The following PRKAR1A variants were observed in gnomAD, a reference collection of about 807,000 sequenced individuals.
PRKAR1A encodes protein kinase cAMP-dependent type I regulatory subunit alpha, also known as cAMP-dependent protein kinase type I-alpha regulatory subunit.
In PRKAR1A, 3 loss-of-function variants were observed where a neutral mutation model predicts 52.0. The ratio of observed to expected loss-of-function variants is 0.06; its 90% confidence interval spans 0.03 to 0.15. The LOEUF (loss-of-function observed/expected upper bound fraction) is 0.15. Among genes scored for constraint, PRKAR1A ranks in the 10% least tolerant of loss-of-function variants. The pLI, the probability that PRKAR1A is intolerant of heterozygous loss-of-function variation, is 1.00. For synonymous variants in PRKAR1A, 188 were observed against 168.4 expected (o/e 1.12, Z -0.90); for missense variants, 240 against 477.4 (o/e 0.50, Z 4.63).
At chr17:68,414,691 A>G in the PRKAR1A span, among the ~76,000 whole-genome samples, 1 of 152,120 alleles carries the variant, frequency 6.6e-6, no homozygotes, top group Non-Finnish European at 1.5e-5. Flanking sequence ...TAATTTAAAA[A>G]TTACCATTTT....
At chr17:68,437,947 TTAAAAAAAA>T in the PRKAR1A span, among the ~76,000 whole-genome samples, 2 of 58,786 alleles carry the variant, frequency 3.4e-5, no homozygotes, top group Non-Finnish European at 6.3e-5. Flanking sequence ...GACATCTCTC[TTAAAAAAAA>T]AAAAAAAAAA....
chr17:68,516,074 A>G (rs760326622), intron 2 of PRKAR1A, among the ~76,000 whole-genome samples: 9 of 152,188 alleles, frequency 5.9e-5, no homozygotes, highest in Non-Finnish European at 1.0e-4. Context: ...AGTATAGAGT[A>G]TATCTGATAA....
At chr17:68,422,231 G>C in the PRKAR1A span, 4 of 171,412 alleles carry the variant, frequency 2.3e-5, no homozygotes, top group Non-Finnish European at 3.8e-5. Flanking sequence ...TTTGAGACCA[G>C]CCTGGCCAAC....
intron 11 of PRKAR1A, chr17:68,540,742 TACTC>T: frequency 7.3e-7 from 1 of 1,367,032 alleles, no homozygotes; most frequent in Middle Eastern, 2.1e-4. Flanking sequence ...GGTGCAGAGT[TACTC>T]AGTCCTCATG....
the PRKAR1A span, among the ~76,000 whole-genome samples, chr17:68,455,558 T>C: frequency 2.0e-5 from 3 of 152,196 alleles, no homozygotes; most frequent in Non-Finnish European, 4.4e-5. Flanking sequence ...TGACTTATTT[T>C]AAAATCCAAT....
At chr17:68,541,982 C>CA in intron 11 of PRKAR1A, 3 of 1,612,610 alleles carry the variant, frequency 1.9e-6, no homozygotes, top group Non-Finnish European at 2.5e-6. Flanking sequence ...GGGACCAACT[C>CA]ACTCCTCTTT....
At chr17:68,539,510 G>A in intron 11 of PRKAR1A, 5 of 914,954 alleles carry the variant, frequency 5.5e-6, no homozygotes, top group East Asian at 4.9e-5. Context: ...AAATGCCAGG[G>A]ATCATGGCAG....
At chr17:68,534,437 A>T (rs958804453), downstream of PRKAR1A, among the ~76,000 whole-genome samples, 1 of 152,188 alleles carries the variant, frequency 6.6e-6, no homozygotes, top group African/African-American at 2.4e-5. Context: ...GCTTTTGCAG[A>T]CATGAGCTGG....
the PRKAR1A span, among the ~76,000 whole-genome samples, chr17:68,458,135 CAG>C: frequency 6.6e-6 from 1 of 152,224 alleles, no homozygotes; most frequent in African/African-American, 2.4e-5. Flanking sequence ...CTGCCTCAGC[CAG>C]AGAGATAGCA....
the PRKAR1A span, chr17:68,457,358 AAG>A: frequency 6.5e-7 from 1 of 1,544,526 alleles, no homozygotes; most frequent in African/African-American, 1.4e-5. Context: ...TCCTGGTTGA[AAG>A]AGAAGCAGCT....
chr17:68,524,970 C>G lies in PRKAR1A; in HGVS notation c.549+12C>G. ...AAGGAGAGACGGATGTAAGATTTAC[C>G]AATATCAAAAATATGTTGATCTTAA... On this transcript the variant is annotated intron_variant, in intron 6 of 10. Transcript: ENST00000589228. The G allele has an allele frequency of 6.3e-7, 1 of 1,593,828 alleles. No homozygotes were observed. The highest frequency in any genetic ancestry group is 8.6e-7 in the Non-Finnish European group (1 of 1,162,100).
At chr17:68,508,674 A>C (rs2085226560), upstream of PRKAR1A, among the ~76,000 whole-genome samples, 1 of 152,202 alleles carries the variant, frequency 6.6e-6, no homozygotes, top group Non-Finnish European at 1.5e-5. Flanking sequence ...TCTAAAATAA[A>C]AGTTGAATGA....
the PRKAR1A span, among the ~76,000 whole-genome samples, chr17:68,504,767 T>A: frequency 6.6e-6 from 1 of 152,112 alleles, no homozygotes; most frequent in East Asian, 1.9e-4. Context: ...GAATAAGACA[T>A]AGTATTTGAT....
chr17:68,496,916 TG>T, the PRKAR1A span, among the ~76,000 whole-genome samples: 1 of 142,548 alleles, frequency 7.0e-6, no homozygotes, highest in Non-Finnish European at 1.5e-5. Context: ...CTTGACCTCC[TG>T]GGCCCAAGTG....
chr17:68,425,096 G>C, the PRKAR1A span, among the ~76,000 whole-genome samples: 1 of 152,180 alleles, frequency 6.6e-6, no homozygotes. Flanking sequence ...AGCCAGCCCC[G>C]AGGGCCCTAG....
chr17:68,539,008 G>A (rs2086179166), intron 11 of PRKAR1A, among the ~76,000 whole-genome samples: 1 of 152,140 alleles, frequency 6.6e-6, no homozygotes, highest in Non-Finnish European at 1.5e-5. Context: ...GCACTCTTAG[G>A]CTATATGATA....
chr17:68,459,731 A>G, the PRKAR1A span, among the ~76,000 whole-genome samples: 885 of 152,346 alleles, frequency 5.8e-3, 10 homozygotes, highest in Non-Finnish European at 1.0e-2. Context: ...ACATTTAAAA[A>G]GGTAGAAATA....
the PRKAR1A span, chr17:68,433,616 T>A: frequency 1.3e-6 from 2 of 1,521,992 alleles, no homozygotes; most frequent in Non-Finnish European, 1.8e-6. Context: ...GCAAGAGAAA[T>A]GGGAGTTATG....
chr17:68,515,424 A>C lies in PRKAR1A; in HGVS notation c.25A>C (p.Ser9Arg), dbSNP rs778468626. The C allele has an allele frequency of 1.7e-5, 28 of 1,613,470 alleles. No homozygotes were observed. Among genetic ancestry groups the C allele is most frequent in the Non-Finnish European group, 2.1e-5 (25 of 1,180,036 alleles). The stretch of plus-strand genomic sequence containing the variant: ...CATGGAGTCTGGCAGTACCGCCGCC[A>C]GTGAGGAGGCACGCAGCCTTCGAGA... MESGSTAA[S>R]EEARSLRECE... The change falls in exon 2 of 11, where the codon AGT becomes CGT. Residue 9 changes from serine to arginine, a missense_variant. Around this residue, in one of 4 missense-constraint regions of PRKAR1A, gnomAD observed 107 missense variants for 114.6 expected, o/e 0.93. Coordinates refer to ENST00000589228, the MANE Select transcript of PRKAR1A (RefSeq NM_002734.5).
Sources: allele counts gnomAD v4.1 joint callset (sites outside exome capture counted in the v4.1 genomes callset), GRCh38; gene constraint gnomAD v4.1.1; regional missense constraint gnomAD v4.1.1; transcripts MANE v1.5; gene names NCBI Gene and HGNC (gene_info 2026-07-23, HGNC 2026-07-21).